CABYR: variants seen among roughly 807,000 people sequenced by gnomAD.
CABYR encodes calcium-binding tyrosine phosphorylation-regulated protein.
A neutral mutation model predicts 36.1 loss-of-function variants in CABYR; 31 were observed. The ratio of observed to expected loss-of-function variants is 0.86; its 90% CI spans 0.64 to 1.16. CABYR has a LOEUF of 1.16. Ranked by LOEUF, CABYR falls within the 50% of genes most tolerant of loss-of-function variation. CABYR has a pLI of 0.00. For synonymous variants in CABYR, 146 were observed against 160.7 expected (o/e 0.91, Z 0.69); for missense variants, 429 against 455.8 (o/e 0.94, Z 0.53).
intron 1 of CABYR, among the ~76,000 whole-genome samples, chr18:24,140,485 T>A (rs1457900255): frequency 8.7e-6 from 1 of 114,296 alleles, no homozygotes; most frequent in Non-Finnish European, 1.8e-5. Context: ...GATGTTTTGA[T>A]TCAGACATAC....
intron 1 of CABYR, among the ~76,000 whole-genome samples, chr18:24,141,871 G>T (rs2085330045): frequency 6.6e-6 from 1 of 152,030 alleles, no homozygotes; most frequent in Admixed American, 6.5e-5. Context: ...AGAGGGTAAG[G>T]GAGATATGAG....
intron 3 of CABYR, among the ~76,000 whole-genome samples, chr18:24,154,895 A>G (rs1395498699): frequency 6.6e-6 from 1 of 152,130 alleles, no homozygotes; most frequent in African/African-American, 2.4e-5. Flanking sequence ...AGATCCAGAG[A>G]TATCTTTCTT....
Position 24,155,781 on chromosome 18 carries a change from A to G in CABYR, c.280A>G (p.Lys94Glu), listed in dbSNP as rs746226081. The G allele has an allele frequency of 1.5e-5, 24 of 1,613,890 alleles. No individual in the cohort carries two copies. The South Asian group carries it at 2.6e-4, about 18-fold the overall frequency. The change falls in exon 4 of 6, where the codon AAA becomes GAA. Residue 94 changes from lysine (K) to glutamate (E), a missense_variant. Coordinates refer to ENST00000399496, the MANE Select transcript of CABYR (RefSeq NM_153769.3). ...KEPGKTSVES[K>E]VPTQMEKSTD... ...ACCAGGAAAAACATCTGTAGAATCT[A>G]AAGTACCTACCCAGATGGAAAAATC...
chr18:24,146,656 A>C (rs2085466273), intron 3 of CABYR, among the ~76,000 whole-genome samples: 1 of 152,256 alleles, frequency 6.6e-6, no homozygotes, highest in African/African-American at 2.4e-5. Flanking sequence ...TACAGGTTCA[A>C]GAAGTCTAAT....
chr18:24,150,783 G>GTTTT (rs10715707), intron 3 of CABYR, among the ~76,000 whole-genome samples: 11 of 113,570 alleles, frequency 9.7e-5, no homozygotes, highest in African/African-American at 3.5e-4. Flanking sequence ...TTTGTTTTTT[G>GTTTT]TTTTTTTTTT....
intron 1 of CABYR, chr18:24,139,727 G>C (rs2145845900): frequency 6.6e-6 from 1 of 152,384 alleles, no homozygotes; most frequent in South Asian, 2.1e-4. Flanking sequence ...AGCTTGCTTA[G>C]GACAGTTCTT....
chr18:24,161,490 T>G (rs777983166), intron 5 of CABYR, 26 bp from the exon 6 acceptor site: 15 of 779,824 alleles, frequency 1.9e-5, no homozygotes, highest in East Asian at 9.7e-5. Flanking sequence ...CTTTAAACAA[T>G]TCAATGTTTG....
At chr18:24,153,228 CT>C (rs1427130948) in intron 3 of CABYR, among the ~76,000 whole-genome samples, 1 of 151,772 alleles carries the variant, frequency 6.6e-6, no homozygotes, top group Non-Finnish European at 1.5e-5. Flanking sequence ...CTAGGCTGGA[CT>C]TGTGCACCTG....
At chr18:24,154,452 G>GA (rs1429916111) in intron 3 of CABYR, among the ~76,000 whole-genome samples, 1 of 152,154 alleles carries the variant, frequency 6.6e-6, no homozygotes, top group Non-Finnish European at 1.5e-5. Context: ...CTCTCTTTTT[G>GA]AATCTTTCTC....
chr18:24,159,200 T>A (rs2085880288), intron 4 of CABYR, among the ~76,000 whole-genome samples: 1 of 152,208 alleles, frequency 6.6e-6, no homozygotes, highest in Non-Finnish European at 1.5e-5. Flanking sequence ...AAAGTTGAAG[T>A]AGCTGGAAAC....
At position 24,150,701 on chromosome 18, in the gene CABYR, G is replaced by T. The variant is rs569774707; in HGVS notation, c.200-5000G>T. The T allele has an allele frequency of 1.0e-4, 34 of 325,152 alleles. No individual in the cohort carries two copies. In the Admixed American group the frequency reaches 1.9e-3, roughly 19 times the overall value. The allele number at this position is 325,152 out of a possible 1,614,324, so 20.1% of individuals were successfully genotyped here. The stretch of plus-strand genomic sequence containing the variant: ...TTGTTTTAAATTCTTAAAAGATTAC[G>T]TACCATACATATTCCTGACTTTAAG... On this transcript the variant is annotated intron_variant, in intron 3 of 5. Coordinates refer to ENST00000399496, the MANE Select transcript of CABYR (RefSeq NM_153769.3).
intron 3 of CABYR, among the ~76,000 whole-genome samples, chr18:24,149,548 C>G (rs957325373): frequency 6.6e-6 from 1 of 152,232 alleles, no homozygotes; most frequent in Non-Finnish European, 1.5e-5. Flanking sequence ...TGGTGCCGTG[C>G]GCCTGCACTC....
chr18:24,156,209 G>T (rs150461058), intron 4 of CABYR, 167 bp downstream of exon 4: 38 of 1,613,972 alleles, frequency 2.4e-5, no homozygotes, highest in Non-Finnish European at 3.0e-5. Context: ...TGCAGGTTGT[G>T]AACCAAACAT....
intron 3 of CABYR, among the ~76,000 whole-genome samples, chr18:24,155,145 T>G (rs997845871): frequency 2.0e-5 from 3 of 152,200 alleles, no homozygotes; most frequent in Non-Finnish European, 4.4e-5. Flanking sequence ...ATGAAATAAT[T>G]TATTGCCCAA....
chr18:24,155,817 G>C lies in CABYR; in HGVS notation c.316G>C (p.Asp106His), dbSNP rs569659806. ...PTQMEKSTDTDEDNVTRTEYS... is the reference protein window; with the variant it reads ...PTQMEKSTDTHEDNVTRTEYS... ...CCAGATGGAAAAATCTACAGACACA[G>C]ACGAGGACAATGTAACCAGAACAGA... Residue 106 changes from aspartate (D) to histidine (H), a missense_variant, in exon 4 of 6, where the codon GAC (aspartate) becomes CAC (histidine). Coordinates refer to ENST00000399496, the MANE Select transcript of CABYR (RefSeq NM_153769.3). The C allele has an allele frequency of 9.3e-6, 15 of 1,614,146 alleles. 1 individual carries two copies. The African/African-American group carries it at 1.9e-4, about 20-fold the overall frequency.
Position 24,158,598 on chromosome 18 carries a change from G to A in CABYR, c.542-874G>A, listed in dbSNP as rs141230231. Among the ~76,000 whole-genome samples the A allele has an allele frequency of 3.9e-5, 6 of 152,278 alleles. No individual in the cohort carries two copies. In the East Asian group the frequency reaches 1.2e-3, roughly 29 times the overall value. Reference sequence around the variant, plus strand: ...CTCCCAAAGTGCTGGGATTACAGGCGTGAGCCACTGCGCCCGGCCCGTAGT... The same window carrying A: ...CTCCCAAAGTGCTGGGATTACAGGCATGAGCCACTGCGCCCGGCCCGTAGT... On this transcript the variant is annotated intron_variant, in intron 4 of 5. Coordinates refer to ENST00000399496, the MANE Select transcript of CABYR (RefSeq NM_153769.3).
chr18:24,161,271 ATTATC>A (rs145772490), intron 5 of CABYR, among the ~76,000 whole-genome samples: 2,711 of 152,294 alleles, frequency 0.018, 67 homozygotes, highest in African/African-American at 0.055. Flanking sequence ...GAAAGACAAA[ATTATC>A]TTATCTTAGG....
chr18:24,145,668 T>C (rs1255322332), intron 3 of CABYR, among the ~76,000 whole-genome samples: 1 of 152,166 alleles, frequency 6.6e-6, no homozygotes, highest in Non-Finnish European at 1.5e-5. Context: ...AAAAGAGCTA[T>C]TGGGAGACTG....
chr18:24,149,647 G>A (rs2085561950), intron 3 of CABYR, among the ~76,000 whole-genome samples: 2 of 152,368 alleles, frequency 1.3e-5, no homozygotes, highest in South Asian at 4.1e-4. Context: ...GGAGTCCACG[G>A]AGTGGGTGGG....
Sources: allele counts gnomAD v4.1 joint callset (sites outside exome capture counted in the v4.1 genomes callset), GRCh38; gene constraint gnomAD v4.1.1; transcripts MANE v1.5; gene names NCBI Gene and HGNC (gene_info 2026-07-23, HGNC 2026-07-21).